Variants in TPH2 observed in about 807,000 individuals in gnomAD.
TPH2 encodes the protein tryptophan hydroxylase 2, also known as tryptophan 5-hydroxylase 2.
In TPH2, 27 loss-of-function variants were observed where a neutral mutation model predicts 59.1. The observed-to-expected ratio is 0.46, with a 90% confidence interval of 0.34 to 0.63. The LOEUF is 0.63. Ranked by LOEUF, TPH2 falls within the 30% of genes least tolerant of loss-of-function variation. The pLI, the probability that TPH2 is intolerant of heterozygous loss-of-function variation, is 0.01. For missense variants in TPH2, 523 were observed against 588.3 expected, an observed-to-expected ratio of 0.89 and a Z score of 1.15; for synonymous variants, 220 against 210.5, an observed-to-expected ratio of 1.05 and a Z score of -0.39.
chr12:72,012,879 T>C (rs1206827632), intron 8 of TPH2, among the ~76,000 whole-genome samples: 2 of 152,198 alleles, frequency 1.3e-5, no homozygotes, highest in Non-Finnish European at 2.9e-5. Flanking sequence ...GTGGCCTTCT[T>C]TGCAGTTGAA....
At chr12:72,019,257 G>C (rs993628001) in intron 8 of TPH2, among the ~76,000 whole-genome samples, 2 of 152,108 alleles carry the variant, frequency 1.3e-5, no homozygotes, top group African/African-American at 4.8e-5. Flanking sequence ...CCATCTAGCT[G>C]GTCTGTTTCC....
At position 72,031,901 on chromosome 12, in the gene TPH2, A is replaced by G. The variant is rs1448456008; in HGVS notation, c.*206A>G. On this transcript the variant is annotated 3_prime_UTR_variant, in exon 11 of 11. Transcript: ENST00000333850. ...GGCAGATAACCACTCATTGTATGAA[A>G]TAACGTATTATGTTTAAACATCTTA... The G allele has an allele frequency of 1.1e-5, 7 of 612,732 alleles. No homozygotes were observed. Among genetic ancestry groups the G allele is most frequent in the Non-Finnish European group, 2.0e-5 (7 of 345,360 alleles). The allele number at this position is 612,732 out of a possible 1,614,324, so 38.0% of individuals were successfully genotyped here. A position where few individuals can be genotyped will look rare whatever the true frequency, so the allele number is the denominator to read the frequency against.
intron 8 of TPH2, among the ~76,000 whole-genome samples, chr12:72,016,023 G>A (rs142581757): frequency 1.3e-5 from 2 of 152,308 alleles, no homozygotes; most frequent in Non-Finnish European, 2.9e-5. Flanking sequence ...TTACTGATAA[G>A]AAAAGAATGC....
At chr12:71,969,089 T>C (rs909913990) in intron 5 of TPH2, among the ~76,000 whole-genome samples, 25 of 152,106 alleles carry the variant, frequency 1.6e-4, no homozygotes, top group Non-Finnish European at 2.5e-4. Context: ...CGAGATCATC[T>C]TGGCTAACAC....
intron 7 of TPH2, among the ~76,000 whole-genome samples, chr12:71,983,283 G>A (rs67752672): frequency 0.27 from 40,416 of 152,058 alleles, 5,701 homozygotes; most frequent in East Asian, 0.47. Context: ...AGTGCCTGAG[G>A]CAATGAATCT....
intron 9 of TPH2, among the ~76,000 whole-genome samples, chr12:72,030,083 G>A (rs1873680645): frequency 6.6e-6 from 1 of 152,116 alleles, no homozygotes; most frequent in Non-Finnish European, 1.5e-5. Context: ...CAGGGAGGTT[G>A]AATGATTGCT....
intron 1 of TPH2, among the ~76,000 whole-genome samples, chr12:71,941,312 G>T (rs1871057353): frequency 6.6e-6 from 1 of 152,060 alleles, no homozygotes; most frequent in Non-Finnish European, 1.5e-5. Context: ...ACGACAGTCA[G>T]GTTTTTGTTG....
chr12:72,016,644 G>A (rs1873262553), intron 8 of TPH2, among the ~76,000 whole-genome samples: 1 of 152,024 alleles, frequency 6.6e-6, no homozygotes, highest in Non-Finnish European at 1.5e-5. Context: ...ATAGTTAATG[G>A]AATTCTAGAT....
intron 4 of TPH2, 66 bp from the exon 5 acceptor site, chr12:71,949,520 TTC>T: frequency 7.4e-7 from 1 of 1,346,666 alleles, no homozygotes; most frequent in South Asian, 1.2e-5. Flanking sequence ...CACAGTGATT[TTC>T]TTTTAGGTCT....
chr12:72,007,434 A>C (rs763079246), intron 8 of TPH2, among the ~76,000 whole-genome samples: 9 of 152,124 alleles, frequency 5.9e-5, no homozygotes, highest in Non-Finnish European at 1.2e-4. Flanking sequence ...AAAGCAATAA[A>C]TTTGGGGTTT....
chr12:71,997,876 A>G (rs1304439070), intron 8 of TPH2, among the ~76,000 whole-genome samples: 1 of 152,178 alleles, frequency 6.6e-6, no homozygotes, highest in Admixed American at 6.5e-5. Context: ...GTTATGTAGA[A>G]GAAATGGATT....
At chr12:71,952,184 G>A (rs1871366843) in intron 5 of TPH2, among the ~76,000 whole-genome samples, 1 of 152,178 alleles carries the variant, frequency 6.6e-6, no homozygotes, top group Admixed American at 6.5e-5. Flanking sequence ...ATGATGGAGA[G>A]TGAGGTTCTC....
At position 72,031,708 on chromosome 12, in the gene TPH2, T is replaced by A. The variant is rs1344053289; in HGVS notation, c.*13T>A. On this transcript the variant is annotated 3_prime_UTR_variant, in exon 11 of 11. Coordinates refer to ENST00000333850, the MANE Select transcript of TPH2 (RefSeq NM_173353.4). ...TCTGGGGATTTGATGCCTGGAACTA[T>A]GTTGTTGCCAGCATGATCTTTTTGG... 1.9e-6 allele frequency: 3 copies of A among 1,613,198 alleles called. No individual in the cohort carries two copies. Among genetic ancestry groups the A allele is most frequent in the South Asian group, 2.2e-5 (2 of 91,064 alleles).
chr12:72,013,212 G>A (rs139305502), intron 8 of TPH2, among the ~76,000 whole-genome samples: 13 of 152,136 alleles, frequency 8.5e-5, no homozygotes, highest in African/African-American at 3.1e-4. Flanking sequence ...TTCGATGGCT[G>A]TTCTTAACCT....
intron 8 of TPH2, 66 bp from the exon 9 acceptor site, chr12:72,022,333 G>A: frequency 8.8e-7 from 1 of 1,134,580 alleles, no homozygotes; most frequent in Non-Finnish European, 1.3e-6. Flanking sequence ...TTTGTTTTGG[G>A]TGCCATTTAA....
intron 8 of TPH2, among the ~76,000 whole-genome samples, chr12:72,006,597 GTGA>G (rs1872959541): frequency 6.6e-6 from 1 of 152,084 alleles, no homozygotes; most frequent in Non-Finnish European, 1.5e-5. Flanking sequence ...GATATTGAGG[GTGA>G]TCAGATGTCA....
At chr12:71,961,911 A>G in intron 5 of TPH2, 1 of 1,072,528 alleles carries the variant, frequency 9.3e-7, no homozygotes, top group Non-Finnish European at 1.1e-6. Flanking sequence ...ACCAATATTA[A>G]CAACGCGAAC....
intron 1 of TPH2, among the ~76,000 whole-genome samples, chr12:71,940,687 C>A (rs1356548596): frequency 1.3e-5 from 2 of 152,112 alleles, no homozygotes; most frequent in Non-Finnish European, 1.5e-5. Flanking sequence ...CATTCTATTC[C>A]TAAATAAAGT....
chr12:71,956,577 T>G (rs560986422), intron 5 of TPH2, among the ~76,000 whole-genome samples: 1 of 145,270 alleles, frequency 6.9e-6, no homozygotes, highest in South Asian at 2.4e-4. Flanking sequence ...CTTTCCCTCC[T>G]TCCTTCCCTC....
Sources: gnomAD v4.1 joint callset for allele counts (sites outside exome capture counted in the v4.1 genomes callset) on GRCh38, gnomAD v4.1.1 for gene constraint, MANE v1.5 for transcripts, NCBI Gene and HGNC (gene_info 2026-07-23, HGNC 2026-07-21) for gene names.